Variants in TCEA1 observed in about 807,000 individuals in gnomAD.
TCEA1 encodes transcription elongation factor A protein 1.
In TCEA1, 21 loss-of-function variants were observed where a neutral mutation model predicts 43.8. That is an observed-to-expected ratio of 0.48 (90% CI 0.34 to 0.69). The LOEUF (loss-of-function observed/expected upper bound fraction) is 0.69, where lower values mean the gene tolerates loss of function less well. Ranked by LOEUF, TCEA1 falls within the 30% of genes least tolerant of loss-of-function variation. The pLI, the probability that TCEA1 is intolerant of heterozygous loss-of-function variation, is 0.01. For missense variants in TCEA1, 250 were observed against 365.1 expected, an observed-to-expected ratio of 0.68 and a Z score of 2.57; for synonymous variants, 104 against 117.5, an observed-to-expected ratio of 0.88 and a Z score of 0.75.
intron 9 of TCEA1, among the ~76,000 whole-genome samples, chr8:53,969,570 T>C (rs1030520346): frequency 6.6e-6 from 1 of 151,828 alleles, no homozygotes; most frequent in South Asian, 2.1e-4. Context: ...ACACCAACAA[T>C]TATCAGGCAC....
chr8:54,014,105 A>C (rs113194574), intron 1 of TCEA1, among the ~76,000 whole-genome samples: 134 of 152,282 alleles, frequency 8.8e-4, no homozygotes, highest in African/African-American at 2.1e-3. Flanking sequence ...ACTACACACA[A>C]AAAAAAGAAA....
rs150769925 is a variant in TCEA1, at chr8:53,974,834, C to A, written c.825+4191G>T. 2.0e-3 allele frequency among the ~76,000 whole-genome samples: 300 copies of A among 152,080 alleles called. 3 individuals are homozygous for A. The highest frequency in any genetic ancestry group is 7.0e-3 in the African/African-American group (289 of 41,470). On this transcript the variant is annotated intron_variant, in intron 8 of 9. Transcript: ENST00000521604. The stretch of plus-strand genomic sequence containing the variant: ...TGTGAGCCACCGCACCCAGCCTACT[C>A]CAGCTTTTTAAAAGGCTGTTTACAA...
intron 1 of TCEA1, among the ~76,000 whole-genome samples, chr8:54,012,962 C>CAAAAAAAAA (rs72062714): frequency 6.5e-5 from 5 of 76,952 alleles, no homozygotes; most frequent in Non-Finnish European, 1.2e-4. Flanking sequence ...ACGACGACGA[C>CAAAAAAAAA]AAAAAAAAAA....
At chr8:53,970,184 A>G in intron 9 of TCEA1, 6 of 584,758 alleles carry the variant, frequency 1.0e-5, no homozygotes, top group Admixed American at 3.2e-5. Flanking sequence ...CAAAACAAAT[A>G]AAGGTGGTAA....
chr8:53,986,243 ACAATGGC>A (rs1435860348), intron 6 of TCEA1, among the ~76,000 whole-genome samples: 1 of 152,204 alleles, frequency 6.6e-6, no homozygotes, highest in Non-Finnish European at 1.5e-5. Flanking sequence ...ATCACCACTC[ACAATGGC>A]CAATCCACCT....
Position 54,022,105 on chromosome 8 carries a change from G to C in TCEA1, c.21C>G (p.Arg7=), listed in dbSNP as rs766743718. 1.3e-6 allele frequency: 2 copies of C among 1,593,066 alleles called. No individual in the cohort carries two copies. The highest frequency in any genetic ancestry group is 1.7e-6 in the Non-Finnish European group (2 of 1,168,460). The change falls in exon 1 of 10, where the codon CGC becomes CGG. Residue 7 remains arginine, a synonymous_variant. Coordinates refer to ENST00000521604, the MANE Select transcript of TCEA1 (RefSeq NM_006756.4). MEDEVV[R]FAKKMDKMVQ... is the part of the protein sequence containing the mutation. The stretch of plus-strand genomic sequence containing the variant: ...CCATCTTGTCCATCTTCTTGGCAAA[G>C]CGGACCACTTCGTCCTCCATGGCTC...
At chr8:53,987,100 T>C (rs1803712567) in intron 5 of TCEA1, 75 bp from the exon 6 acceptor site, 2 of 1,208,496 alleles carry the variant, frequency 1.7e-6, no homozygotes, top group African/African-American at 1.5e-5. Flanking sequence ...GTAATTAAAC[T>C]GCATTCCTAT....
At chr8:54,018,907 A>G (rs1804931055) in intron 1 of TCEA1, among the ~76,000 whole-genome samples, 1 of 152,232 alleles carries the variant, frequency 6.6e-6, no homozygotes, top group Admixed American at 6.5e-5. Context: ...ACTGTAGCTT[A>G]AGAGAGGAGT....
chr8:54,020,212 C>G (rs544822262), intron 1 of TCEA1, among the ~76,000 whole-genome samples: 8 of 152,176 alleles, frequency 5.3e-5, no homozygotes, highest in Admixed American at 1.3e-4. Flanking sequence ...CTTTTTTTCC[C>G]TGGGAGCTTC....
chr8:53,997,494 A>G (rs1804098615), intron 3 of TCEA1, among the ~76,000 whole-genome samples: 2 of 152,340 alleles, frequency 1.3e-5, no homozygotes, highest in South Asian at 2.1e-4. Context: ...TGGATATGAT[A>G]CCTTGAGAAG....
At chr8:54,021,667 T>G in intron 1 of TCEA1, 1 of 169,876 alleles carries the variant, frequency 5.9e-6, no homozygotes, top group Non-Finnish European at 1.2e-5. Context: ...TTGATGCTCT[T>G]TCTAGATGTT....
chr8:53,979,264 C>A, intron 7 of TCEA1, 93 bp from the exon 8 acceptor site: 2 of 1,296,816 alleles, frequency 1.5e-6, no homozygotes, highest in Non-Finnish European at 2.1e-6. Flanking sequence ...AATAATAAAA[C>A]CACATATCAA....
At chr8:53,973,783 C>A in intron 8 of TCEA1, 2 of 443,506 alleles carry the variant, frequency 4.5e-6, no homozygotes, top group South Asian at 4.5e-5. Flanking sequence ...GTGCATCCCT[C>A]AGATCCCAAT....
chr8:54,022,399 T>G lies in TCEA1; in HGVS notation c.-274A>C. 1 of 497,492 alleles carries G rather than the reference T, an allele frequency of 2.0e-6. No homozygotes were observed. The allele number at this position is 497,492 out of a possible 1,614,324, so 30.8% of individuals were successfully genotyped here. ...AGATCGCTGGTGAGGGGCGAGCCCA[T>G]GTTCCCGCCAGGCGGGCGTCGGGCT... On this transcript the variant is annotated 5_prime_UTR_variant, in exon 1 of 10. The change abolishes an upstream ATG in the 5' untranslated region. Coordinates refer to ENST00000521604, the MANE Select transcript of TCEA1 (RefSeq NM_006756.4).
intron 8 of TCEA1, chr8:53,973,883 G>GA: frequency 3.1e-6 from 1 of 322,554 alleles, no homozygotes. Flanking sequence ...AGGCAATAAA[G>GA]AAAAAAGAGG....
chr8:53,972,432 G>A, intron 8 of TCEA1: 1 of 535,542 alleles, frequency 1.9e-6, no homozygotes, highest in Non-Finnish European at 3.6e-6. Flanking sequence ...TTTGTTTCCA[G>A]AAGAATCAAG....
chr8:53,980,296 C>A (rs983523411), intron 7 of TCEA1, among the ~76,000 whole-genome samples: 1 of 152,206 alleles, frequency 6.6e-6, no homozygotes, highest in Non-Finnish European at 1.5e-5. Context: ...CATCTTCTCA[C>A]GCCAGTTTTT....
rs936629469 is a variant in TCEA1 at position 53,982,076 on chromosome 8, T to C, written c.678+2287A>G. On this transcript the variant is annotated intron_variant, in intron 7 of 9. Coordinates refer to ENST00000521604, the MANE Select transcript of TCEA1 (RefSeq NM_006756.4). ...ACCATGCCCAACTGACTTTCAAGTT[T>C]TATTATTTCAGAAATACTTTTTGCA... Among the ~76,000 whole-genome samples, 9 of 152,150 alleles carry C rather than the reference T, an allele frequency of 5.9e-5. No homozygotes were observed. In the East Asian group the frequency reaches 1.7e-3, roughly 29 times the overall value.
chr8:53,983,354 C>G (rs904206065), intron 7 of TCEA1, among the ~76,000 whole-genome samples: 2 of 152,114 alleles, frequency 1.3e-5, no homozygotes, highest in African/African-American at 4.8e-5. Context: ...TGTTTGTGTA[C>G]AGAAGAAAAA....
Sources: gnomAD v4.1 joint callset for allele counts (sites outside exome capture counted in the v4.1 genomes callset) on GRCh38, gnomAD v4.1.1 for gene constraint, MANE v1.5 for transcripts, NCBI Gene and HGNC (gene_info 2026-07-23, HGNC 2026-07-21) for gene names.